Variants in SLC35F3 observed in about 807,000 individuals in gnomAD.
SLC35F3 encodes the protein solute carrier family 35 member F3, also known as putative thiamine transporter SLC35F3.
In SLC35F3, 25 loss-of-function variants were observed where a neutral mutation model predicts 49.9. The ratio of observed to expected loss-of-function variants is 0.50; its 90% CI spans 0.37 to 0.70. The LOEUF (loss-of-function observed/expected upper bound fraction) is 0.70. Among genes scored for constraint, SLC35F3 ranks in the 30% least tolerant of loss-of-function variants. The pLI, the probability that SLC35F3 is intolerant of heterozygous loss-of-function variation, is 0.00. For missense variants in SLC35F3, 525 were observed against 639.8 expected, an observed-to-expected ratio of 0.82 and a Z score of 1.94; for synonymous variants, 275 against 265.4, an observed-to-expected ratio of 1.04 and a Z score of -0.35.
At chr1:234,073,493 G>A (rs1222697137) in intron 2 of SLC35F3, among the ~76,000 whole-genome samples, 1 of 152,132 alleles carries the variant, frequency 6.6e-6, no homozygotes, top group Non-Finnish European at 1.5e-5. Context: ...TGCATAGCTG[G>A]ATAATCGAAA....
At chr1:234,255,546 G>A (rs571709543) in intron 3 of SLC35F3, among the ~76,000 whole-genome samples, 44 of 152,270 alleles carry the variant, frequency 2.9e-4, no homozygotes, top group Non-Finnish European at 2.6e-4. Context: ...ACAAAAACCT[G>A]CACACAGATA....
At chr1:234,278,797 G>T (rs971603461) in intron 3 of SLC35F3, among the ~76,000 whole-genome samples, 1 of 152,064 alleles carries the variant, frequency 6.6e-6, no homozygotes, top group Admixed American at 6.5e-5. Flanking sequence ...GCTCTCTTTT[G>T]TCTCTCTTAC....
intron 3 of SLC35F3, among the ~76,000 whole-genome samples, chr1:234,275,830 A>G (rs895117247): frequency 6.6e-6 from 1 of 151,936 alleles, no homozygotes; most frequent in African/African-American, 2.4e-5. Flanking sequence ...TTTGTTTAGT[A>G]TTAATATGTG....
At chr1:234,036,043 A>G (rs12040854) in intron 2 of SLC35F3, among the ~76,000 whole-genome samples, 2,862 of 152,258 alleles carry the variant, frequency 0.019, 123 homozygotes, top group East Asian at 0.17. Context: ...GATGACTTTA[A>G]GTTTAACTCT....
intron 3 of SLC35F3, among the ~76,000 whole-genome samples, chr1:234,297,185 C>T (rs1398393737): frequency 3.9e-5 from 6 of 152,094 alleles, no homozygotes; most frequent in African/African-American, 1.4e-4. Flanking sequence ...AAAAGGGAAC[C>T]CTTGTACACC....
intron 2 of SLC35F3, among the ~76,000 whole-genome samples, chr1:234,187,580 C>T (rs189266710): frequency 6.6e-6 from 1 of 152,224 alleles, no homozygotes; most frequent in South Asian, 2.1e-4. Flanking sequence ...AGCCCAAATA[C>T]TGTGCATGCC....
chr1:234,294,572 G>A (rs115261300), intron 3 of SLC35F3, among the ~76,000 whole-genome samples: 2,560 of 152,284 alleles, frequency 0.017, 22 homozygotes, highest in African/African-American at 0.019. Context: ...GAGCTCTGAC[G>A]TCCCTGCCAA....
At chr1:234,086,648 G>T (rs890832132) in intron 2 of SLC35F3, among the ~76,000 whole-genome samples, 13 of 152,210 alleles carry the variant, frequency 8.5e-5, no homozygotes, top group Non-Finnish European at 1.8e-4. Flanking sequence ...GGCATTCTTG[G>T]CTGGGATGTT....
chr1:234,207,931 C>A (rs1261595116), intron 2 of SLC35F3, among the ~76,000 whole-genome samples: 4 of 152,164 alleles, frequency 2.6e-5, no homozygotes, highest in Non-Finnish European at 4.4e-5. Flanking sequence ...ATTGCTTGAG[C>A]CTAGGAGTTC....
At chr1:234,308,008 G>T (rs1383551471) in intron 3 of SLC35F3, among the ~76,000 whole-genome samples, 1 of 152,002 alleles carries the variant, frequency 6.6e-6, no homozygotes, top group Non-Finnish European at 1.5e-5. Context: ...AAGATTTTTT[G>T]AACTATCTGT....
intron 2 of SLC35F3, among the ~76,000 whole-genome samples, chr1:233,941,809 T>A (rs142731909): frequency 1.3e-5 from 2 of 152,258 alleles, no homozygotes; most frequent in East Asian, 3.9e-4. Context: ...GAGATATGGT[T>A]CATATACAGA....
At chr1:233,990,940 A>T (rs553532489) in intron 2 of SLC35F3, among the ~76,000 whole-genome samples, 12 of 152,310 alleles carry the variant, frequency 7.9e-5, no homozygotes, top group African/African-American at 2.9e-4. Flanking sequence ...GCAGCCTGCA[A>T]ATCTGCCCTT....
chr1:234,062,548 C>T (rs991074315), intron 2 of SLC35F3, among the ~76,000 whole-genome samples: 4 of 152,186 alleles, frequency 2.6e-5, no homozygotes, highest in African/African-American at 9.6e-5. Flanking sequence ...TGTCTTTTAC[C>T]ACAATATCAG....
At chr1:234,186,339 A>G (rs1380724415) in intron 2 of SLC35F3, among the ~76,000 whole-genome samples, 1 of 152,196 alleles carries the variant, frequency 6.6e-6, no homozygotes, top group African/African-American at 2.4e-5. Context: ...TTAACAACTG[A>G]CCAGTATTTG....
chr1:233,952,411 T>C (rs1662623272), intron 2 of SLC35F3, among the ~76,000 whole-genome samples: 1 of 152,202 alleles, frequency 6.6e-6, no homozygotes, highest in African/African-American at 2.4e-5. Flanking sequence ...TGCTCCAATA[T>C]AGCTGGAAAT....
At chr1:234,248,069 A>G (rs1425215049) in intron 3 of SLC35F3, among the ~76,000 whole-genome samples, 2 of 139,142 alleles carry the variant, frequency 1.4e-5, no homozygotes, top group African/African-American at 5.5e-5. Context: ...ATTGTTCAGT[A>G]GGTTGGTTGG....
chr1:234,251,721 A>T (rs1667741147), intron 3 of SLC35F3, among the ~76,000 whole-genome samples: 1 of 152,206 alleles, frequency 6.6e-6, no homozygotes, highest in African/African-American at 2.4e-5. Flanking sequence ...ACAGGTTAAA[A>T]TATACTCTGA....
At chr1:234,001,020 C>G (rs557371587) in intron 2 of SLC35F3, among the ~76,000 whole-genome samples, 1 of 152,192 alleles carries the variant, frequency 6.6e-6, no homozygotes, top group Non-Finnish European at 1.5e-5. Context: ...AGAACTTGAT[C>G]CGTACAGATG....
intron 2 of SLC35F3, among the ~76,000 whole-genome samples, chr1:233,971,044 G>T (rs1029705988): frequency 3.3e-5 from 5 of 152,236 alleles, no homozygotes; most frequent in South Asian, 2.1e-4. Flanking sequence ...TCTAGACCCT[G>T]ACACAGAGGC....
Sources: gnomAD v4.1 joint callset for allele counts (sites outside exome capture counted in the v4.1 genomes callset) on GRCh38, gnomAD v4.1.1 for gene constraint, MANE v1.5 for transcripts, NCBI Gene and HGNC (gene_info 2026-07-23, HGNC 2026-07-21) for gene names.